The following FBXL6 variants were observed in gnomAD, a reference collection of about 807,000 sequenced individuals.
FBXL6 encodes the protein F-box and leucine rich repeat protein 6, also known as F-box/LRR-repeat protein 6.
In FBXL6, 50 loss-of-function variants were observed where a neutral mutation model predicts 53.3. The ratio of observed to expected loss-of-function variants is 0.94; its 90% CI spans 0.75 to 1.19. The LOEUF (loss-of-function observed/expected upper bound fraction) is 1.19. FBXL6 is among the 50% of genes most tolerant of loss of function. The probability of loss-of-function intolerance (pLI) is 0.00; values close to 1 mark genes in which losing one functional copy is unlikely to be tolerated. For synonymous variants in FBXL6, 405 were observed against 322.9 expected (o/e 1.25, Z -2.73); for missense variants, 815 against 719.0 (o/e 1.13, Z -1.53).
Position 144,355,563 on chromosome 8 carries a change from C to G in FBXL6, c.1588G>C (p.Glu530Gln). 1 of 1,611,214 alleles carries G rather than the reference C, an allele frequency of 6.2e-7. No individual in the cohort carries two copies. Among genetic ancestry groups the G allele is most frequent in the East Asian group, 2.2e-5 (1 of 44,886 alleles). Residue 530 changes from glutamate to glutamine, a missense_variant, in exon 9 of 9, where the codon GAG (glutamate) becomes CAG (glutamine). Transcript: ENST00000331890. ...RGLEEVQWCL[E>Q]QLLTSPSPS ...GGTGAGGGGCTGGTGAGCAGCTGCT[C>G]CAGACACCACTGGACTTCCTCCAGG...
intron 1 of FBXL6, 101 bp from the exon 2 acceptor site, chr8:144,357,887 C>A: frequency 1.4e-6 from 2 of 1,438,250 alleles, no homozygotes; most frequent in Non-Finnish European, 9.1e-7. Flanking sequence ...TCCTGGGACT[C>A]CAACTGGGCG....
At position 144,356,124 on chromosome 8, in the gene FBXL6, C is replaced by T. The variant is rs1425380222; in HGVS notation, c.1316G>A (p.Cys439Tyr). The T allele has an allele frequency of 1.2e-6, 2 of 1,612,892 alleles. No individual in the cohort carries two copies. Among genetic ancestry groups the T allele is most frequent in the African/African-American group, 2.7e-5 (2 of 74,938 alleles). ...CAAGTCCAGTTCTCGCAGTGTATGG[C>T]ACCACTTCTGGGTCAAAAAGGGGCT... The part of the protein sequence containing the change: ...EGSPFLTQKW[C>Y]HTLRELDLSG... The change falls in exon 8 of 9, where the codon TGC (cysteine) becomes TAC (tyrosine). Residue 439 changes from cysteine (C) to tyrosine (Y), a missense_variant. By Grantham distance (194) the Cys-to-Tyr change is radical (BLOSUM62 -2). Transcript: ENST00000331890.
In FBXL6 at chr8:144,356,445, C is replaced by T. The variant is rs782144149; in HGVS notation, c.1080G>A (p.Glu360=). ...APGPGFPSLE[E]LCLASSTCNF... is the part of the protein sequence containing the mutation. Reference sequence around the variant, plus strand: ...TGCAGGTTGAGCTCGCCAGGCAGAGCTCCTCTAGGCTAGGGAAGCCTGGTC... The same window carrying T: ...TGCAGGTTGAGCTCGCCAGGCAGAGTTCCTCTAGGCTAGGGAAGCCTGGTC... Residue 360 remains glutamate, a synonymous_variant, in exon 7 of 9, where the codon GAG becomes GAA. Coordinates refer to ENST00000331890, the MANE Select transcript of FBXL6 (RefSeq NM_012162.4). 15 of 1,613,040 alleles carry T rather than the reference C, an allele frequency of 9.3e-6. No individual in the cohort carries two copies. Among genetic ancestry groups the T allele is most frequent in the East Asian group, 2.2e-5 (1 of 44,890 alleles).
Position 144,357,696 on chromosome 8 carries a change from C to T in FBXL6, c.507G>A (p.Arg169=), listed in dbSNP as rs782580789. 2.5e-6 allele frequency: 4 copies of T among 1,610,702 alleles called. No homozygotes were observed. The Admixed American group carries it at 5.0e-5, about 20-fold the overall frequency. The change falls in exon 2 of 9, where the codon CGG becomes CGA. Residue 169 remains arginine (R), a synonymous_variant. Coordinates refer to ENST00000331890, the MANE Select transcript of FBXL6 (RefSeq NM_012162.4). ...CCGCCTTGACCCCGCCCTTGGCAGG[C>T]CGGCCGACCAGCGGGGACGACAGGG... ...TVTLSSPLVG[R]PAKGGVKAEK... is the part of the protein sequence containing the mutation.
chr8:144,356,483 C>A lies in FBXL6; in HGVS notation c.1042G>T (p.Gly348Trp). 1 of 1,613,006 alleles carries A rather than the reference C, an allele frequency of 6.2e-7. No homozygotes were observed. Among genetic ancestry groups the A allele is most frequent in the Non-Finnish European group, 8.5e-7 (1 of 1,180,022 alleles). Residue 348 changes from glycine to tryptophan, a missense_variant, in exon 7 of 9, where the codon GGG becomes TGG. Gly to Trp is a radical substitution (Grantham distance 184). Coordinates refer to ENST00000331890, the MANE Select transcript of FBXL6 (RefSeq NM_012162.4). ...LMWLPKPPGR[G>W]VAPGPGFPSL... The stretch of plus-strand genomic sequence containing the variant: ...GGGAAGCCTGGTCCGGGAGCCACCC[C>A]TCGTCCCGGAGGCTTGGGCAGCCAC...
At position 144,358,408 on chromosome 8, in the gene FBXL6, G is replaced by A. The variant is rs782690748; in HGVS notation, c.40C>T (p.Arg14Trp). The part of the protein sequence containing the change: ...PASRQVRRRA[R>W]AAPRPRSAED... ...GCCGAGCGGGGCCGCGGCGCTGCCCGGGCTCTGCGTCGGACCTGCCGGGAG... is the reference window on the plus strand; with the variant it reads ...GCCGAGCGGGGCCGCGGCGCTGCCCAGGCTCTGCGTCGGACCTGCCGGGAG... The change falls in exon 1 of 9, where the codon CGG (arginine) becomes TGG (tryptophan). Residue 14 changes from arginine (R) to tryptophan (W), a missense_variant. Coordinates refer to ENST00000331890, the MANE Select transcript of FBXL6 (RefSeq NM_012162.4). 2,574 of 1,248,958 alleles carry A rather than the reference G, an allele frequency of 2.1e-3. 5 individuals are homozygous for A. Among genetic ancestry groups the A allele is most frequent in the Non-Finnish European group, 2.4e-3 (2,432 of 997,408 alleles). The allele number at this position is 1,248,958 out of a possible 1,614,324, so 77.4% of individuals were successfully genotyped here.
Position 144,357,750 on chromosome 8 carries a change from A to G in FBXL6, c.453T>C (p.Ala151=). 6.3e-7 allele frequency: 1 copy of G among 1,598,296 alleles called. No homozygotes were observed. The highest frequency in any genetic ancestry group is 8.5e-7 in the Non-Finnish European group (1 of 1,174,016). The part of the protein sequence containing the change: ...ARVCRRWQEA[A]SQPALWHTVT... ...CGGTGTGCCAGAGCGCGGGTTGGGA[A>G]GCGGCCTCCTGCCAGCGGCGGCACA... The change falls in exon 2 of 9, where the codon GCT becomes GCC. Residue 151 remains alanine, a synonymous_variant. Transcript: ENST00000331890.
chr8:144,356,552 G>A (rs1554852837), intron 6 of FBXL6, 21 bp from the exon 7 acceptor site: 5 of 1,612,742 alleles, frequency 3.1e-6, no homozygotes, highest in Admixed American at 1.7e-5. Flanking sequence ...GGTCCAGGCT[G>A]TAGATGGGGG....
chr8:144,355,951 G>C lies in FBXL6; in HGVS notation c.1472+17C>G, dbSNP rs782385131. On this transcript the variant is annotated intron_variant, in intron 8 of 8. Coordinates refer to ENST00000331890, the MANE Select transcript of FBXL6 (RefSeq NM_012162.4). ...ACAGCCACACTGGCTCCAGGGACTGGGGTAGGGGATGCTGACCTGACAGTG... is the reference window on the plus strand; with the variant it reads ...ACAGCCACACTGGCTCCAGGGACTGCGGTAGGGGATGCTGACCTGACAGTG... The C allele has an allele frequency of 1.2e-6, 2 of 1,610,414 alleles. No homozygotes were observed. Among genetic ancestry groups the C allele is most frequent in the East Asian group, 2.2e-5 (1 of 44,824 alleles).
rs1554853425 is a variant in FBXL6 at position 144,358,231 on chromosome 8, G to C, written c.217C>G (p.Arg73Gly). 1 of 1,207,742 alleles carries C rather than the reference G, an allele frequency of 8.3e-7. No homozygotes were observed. Among genetic ancestry groups the C allele is most frequent in the South Asian group, 4.1e-5 (1 of 24,236 alleles). 74.8% of individuals were successfully genotyped at this position (1,207,742 alleles called of 1,614,324 possible). The change falls in exon 1 of 9, where the codon CGG (arginine) becomes GGG (glycine). Residue 73 changes from arginine to glycine, a missense_variant. By Grantham distance (125) the Arg-to-Gly change is moderately radical. Transcript: ENST00000331890. ...GGCTTGGCCGCGGCGCTGGGGCCCC[G>C]GGGCGGCTGCCGGGGAGTGCGGCGG... Reference protein sequence around the residue: ...ASRRTPRQPPRGPSAAAKPKA... With the variant: ...ASRRTPRQPPGGPSAAAKPKA...
At chr8:144,355,897 C>G (rs1818380530) in intron 8 of FBXL6, 71 bp downstream of exon 8, 2 of 1,591,574 alleles carry the variant, frequency 1.3e-6, no homozygotes, top group Admixed American at 3.4e-5. Context: ...AGGCAGGACA[C>G]AACTTCCAGG....
In FBXL6 at chr8:144,356,714, C is replaced by T. The variant is rs782155053; in HGVS notation, c.880-1G>A. On this transcript the variant is annotated splice_acceptor_variant, in intron 5 of 8. Transcript: ENST00000331890. LOFTEE classifies it high-confidence loss of function. The stretch of plus-strand genomic sequence containing the variant: ...CCTGGAGCTGGGGGCAGCAGCTGCC[C>T]TGCAGAGATGGGGGGAGGGGGTAGG... The T allele has an allele frequency of 1.9e-6, 3 of 1,612,012 alleles. No individual in the cohort carries two copies. Among genetic ancestry groups the T allele is most frequent in the Non-Finnish European group, 2.5e-6 (3 of 1,179,724 alleles).
chr8:144,355,452 A>G lies in FBXL6; in HGVS notation c.*79T>C. Reference sequence around the variant, plus strand: ...GAACTCCTAAAAATGTTTTATTTTAACAAAATGCTCAAATATCTGAAATTG... The same window carrying G: ...GAACTCCTAAAAATGTTTTATTTTAGCAAAATGCTCAAATATCTGAAATTG... On this transcript the variant is annotated 3_prime_UTR_variant, in exon 9 of 9. Coordinates refer to ENST00000331890, the MANE Select transcript of FBXL6 (RefSeq NM_012162.4). The G allele has an allele frequency of 6.4e-7, 1 of 1,566,694 alleles. No homozygotes were observed. The highest frequency in any genetic ancestry group is 8.7e-7 in the Non-Finnish European group (1 of 1,150,396).
At position 144,356,360 on chromosome 8, in the gene FBXL6, G is replaced by GT; in HGVS notation, c.1164dup (p.Leu389ThrfsTer66). ...ATGCGCGCACAGCCACGAAGATCCAGTAAGCGCAGGTTGGGAGAGCCGTGG... is the reference window on the plus strand; with the variant it reads ...ATGCGCGCACAGCCACGAAGATCCAGTTAAGCGCAGGTTGGGAGAGCCGTGG... On this transcript the variant is annotated frameshift_variant, in exon 7 of 9. Coordinates refer to ENST00000331890, the MANE Select transcript of FBXL6 (RefSeq NM_012162.4). LOFTEE classifies it high-confidence loss of function. 8.0e-7 allele frequency: 1 copy of GT among 1,244,858 alleles called. No individual in the cohort carries two copies. Among genetic ancestry groups the GT allele is most frequent in the Non-Finnish European group, 1.0e-6 (1 of 987,382 alleles). The allele number at this position is 1,244,858 out of a possible 1,614,324, so 77.1% of individuals were successfully genotyped here. A position where few individuals can be genotyped will look rare whatever the true frequency, so the allele number is the denominator to read the frequency against.
At chr8:144,357,330 C>G in intron 3 of FBXL6, 109 bp downstream of exon 3, 1 of 1,305,270 alleles carries the variant, frequency 7.7e-7, no homozygotes, top group Non-Finnish European at 1.1e-6. Context: ...GGCAGGCAGA[C>G]ATCCCCACGG....
At position 144,357,345 on chromosome 8, in the gene FBXL6, G is replaced by T. The variant is rs115001185; in HGVS notation, c.639+94C>A. 5.4e-3 allele frequency: 7,299 copies of T among 1,358,056 alleles called. 125 individuals are homozygous for T. The highest frequency in any genetic ancestry group is 0.052 in the African/African-American group (3,628 of 69,186). 84.1% of individuals were successfully genotyped at this position (1,358,056 alleles called of 1,614,324 possible). A position where few individuals can be genotyped will look rare whatever the true frequency, so the allele number is the denominator to read the frequency against. ...GGCAGGCAGACATCCCCACGGAGCA[G>T]CGTTGGGCCCCCAAGGTGCCTGACC... On this transcript the variant is annotated intron_variant, in intron 3 of 8. Coordinates refer to ENST00000331890, the MANE Select transcript of FBXL6 (RefSeq NM_012162.4).
Position 144,356,436 on chromosome 8 carries a change from C to T in FBXL6, c.1089G>A (p.Leu363=). Residue 363 remains leucine, a synonymous_variant, in exon 7 of 9, where the codon CTG becomes CTA. Coordinates refer to ENST00000331890, the MANE Select transcript of FBXL6 (RefSeq NM_012162.4). Reference sequence around the variant, plus strand: ...TCACAAAGTTGCAGGTTGAGCTCGCCAGGCAGAGCTCCTCTAGGCTAGGGA... The same window carrying T: ...TCACAAAGTTGCAGGTTGAGCTCGCTAGGCAGAGCTCCTCTAGGCTAGGGA... ...PGFPSLEELC[L]ASSTCNFVSN... 2 of 1,613,078 alleles carry T rather than the reference C, an allele frequency of 1.2e-6. No individual in the cohort carries two copies. Among genetic ancestry groups the T allele is most frequent in the Non-Finnish European group, 1.7e-6 (2 of 1,180,036 alleles).
rs1564650959 is a variant in FBXL6 at position 144,357,766 on chromosome 8, CG to C, written c.436del (p.Arg146AlafsTer15). ...GGGTTGGGAAGCGGCCTCCTGCCAG[CG>C]GCGGCACACGCGCGCAGCCCTGGGA... ...FLGRAARVCR[R>X]WQEAASQPAL... On this transcript the variant is annotated frameshift_variant, in exon 2 of 9. Transcript: ENST00000331890. LOFTEE classifies it high-confidence loss of function. The C allele has an allele frequency of 6.3e-7, 1 of 1,584,340 alleles. No individual in the cohort carries two copies. The highest frequency in any genetic ancestry group is 1.8e-5 in the Admixed American group (1 of 56,926).
In FBXL6 at chr8:144,356,658, T is replaced by C; in HGVS notation, c.935A>G (p.Asn312Ser). 1 of 1,612,848 alleles carries C rather than the reference T, an allele frequency of 6.2e-7. No homozygotes were observed. Among genetic ancestry groups the C allele is most frequent in the Non-Finnish European group, 8.5e-7 (1 of 1,179,976 alleles). Residue 312 changes from asparagine to serine, a missense_variant, in exon 6 of 9, where the codon AAT becomes AGT. Transcript: ENST00000331890. ...VLEVSTGINR[N>S]SIPLQLPVEA... ...GACAGGCAGCTGAAGGGGAATGCTA[T>C]TACGGTTGATGCCGGTGCTCACCTC...
Sources: allele counts gnomAD v4.1 joint callset, GRCh38; gene constraint gnomAD v4.1.1; transcripts MANE v1.5; gene names NCBI Gene and HGNC (gene_info 2026-07-23, HGNC 2026-07-21).